The following ELOVL7 variants were observed in gnomAD, a reference collection of about 807,000 sequenced individuals.
ELOVL7 encodes ELOVL fatty acid elongase 7.
ELOVL7 carries 27 observed loss-of-function variants against 35.7 expected under a neutral mutation model. That is an observed-to-expected ratio of 0.76 (90% CI 0.56 to 1.04). The LOEUF (loss-of-function observed/expected upper bound fraction) is 1.04. Among genes scored for constraint, ELOVL7 ranks in the 50% least tolerant of loss-of-function variants. ELOVL7 has a pLI of 0.00. For missense variants in ELOVL7, 327 were observed against 340.8 expected (o/e 0.96, Z 0.32); for synonymous variants, 113 against 114.6 (o/e 0.99, Z 0.09).
At chr5:60,826,038 A>G (rs1228156544) in intron 1 of ELOVL7, among the ~76,000 whole-genome samples, 1 of 152,256 alleles carries the variant, frequency 6.6e-6, no homozygotes, top group Non-Finnish European at 1.5e-5. Context: ...TCCTATAGAG[A>G]GCAAAAAGCA....
rs543928603 is a variant in ELOVL7, at chr5:60,803,467, C to T, written c.-85-4237G>A. Among the ~76,000 whole-genome samples the T allele has an allele frequency of 8.0e-4, 122 of 152,256 alleles. 2 individuals are homozygous for T. The South Asian group carries it at 0.024, about 30-fold the overall frequency. On this transcript the variant is annotated intron_variant, in intron 1 of 8. Transcript: ENST00000508821. ...CTCAGGATAAACTAATCTTGATTTT[C>T]GTTTAAACAAAGCATGATTAATAAG...
chr5:60,842,369 G>A (rs1747224832), intron 1 of ELOVL7, among the ~76,000 whole-genome samples: 2 of 151,982 alleles, frequency 1.3e-5, no homozygotes, highest in South Asian at 2.1e-4. Flanking sequence ...AAGTCCAAGC[G>A]GAATATTATA....
At chr5:60,818,658 A>G (rs1745680340) in intron 1 of ELOVL7, among the ~76,000 whole-genome samples, 1 of 152,080 alleles carries the variant, frequency 6.6e-6, no homozygotes. Flanking sequence ...ATAATTCGCT[A>G]CACAGAGAAG....
intron 5 of ELOVL7, 91 bp downstream of exon 5, chr5:60,767,732 G>C: frequency 1.2e-6 from 1 of 869,090 alleles, no homozygotes; most frequent in Admixed American, 1.8e-5. Context: ...TGAGTCATCT[G>C]CTTATTCTAA....
intron 3 of ELOVL7, chr5:60,783,968 G>A (rs1299864120): frequency 1.7e-6 from 1 of 581,266 alleles, no homozygotes; most frequent in Non-Finnish European, 3.2e-6. Flanking sequence ...GCAGAGGATG[G>A]GAAGGCAGGC....
At chr5:60,766,504 G>T in intron 6 of ELOVL7, 70 bp downstream of exon 6, 1 of 1,366,708 alleles carries the variant, frequency 7.3e-7, no homozygotes, top group Non-Finnish European at 1.0e-6. Context: ...TGGTTTCACT[G>T]AAAGATCAAA....
At chr5:60,772,920 A>G (rs1359772391) in intron 3 of ELOVL7, among the ~76,000 whole-genome samples, 1 of 152,198 alleles carries the variant, frequency 6.6e-6, no homozygotes, top group African/African-American at 2.4e-5. Flanking sequence ...ACACTTCCAC[A>G]TATACTGTAT....
rs1443688681 is a variant in ELOVL7 at position 60,803,693 on chromosome 5, G to A, written c.-85-4463C>T. ...TATATCACTTCCATGAACTCATGTT[G>A]TTCTGATGGGTATACAACATATTTA... On this transcript the variant is annotated intron_variant, in intron 1 of 8. Transcript: ENST00000508821. Among the ~76,000 whole-genome samples the A allele has an allele frequency of 2.6e-5, 4 of 152,144 alleles. No homozygotes were observed. The East Asian group carries it at 5.8e-4, about 22-fold the overall frequency.
chr5:60,816,087 G>T (rs1236769580), intron 1 of ELOVL7, among the ~76,000 whole-genome samples: 1 of 152,158 alleles, frequency 6.6e-6, no homozygotes, highest in Non-Finnish European at 1.5e-5. Flanking sequence ...ATTTAGAAGA[G>T]TTTTGGGAAG....
intron 1 of ELOVL7, among the ~76,000 whole-genome samples, chr5:60,822,164 G>A (rs1273025929): frequency 2.6e-4 from 39 of 152,214 alleles, no homozygotes; most frequent in Admixed American, 2.6e-3. Context: ...GCTATTTCTT[G>A]GTGAACAGTA....
intron 3 of ELOVL7, among the ~76,000 whole-genome samples, chr5:60,773,844 A>G (rs1032808224): frequency 6.6e-6 from 1 of 152,272 alleles, no homozygotes; most frequent in Non-Finnish European, 1.5e-5. Flanking sequence ...TTAAACAAAC[A>G]GGTTGCATTA....
intron 1 of ELOVL7, among the ~76,000 whole-genome samples, chr5:60,826,380 T>C (rs1218487347): frequency 1.3e-5 from 2 of 152,160 alleles, no homozygotes; most frequent in Non-Finnish European, 2.9e-5. Flanking sequence ...TGATTTTTTT[T>C]TTACTGTAAA....
intron 1 of ELOVL7, among the ~76,000 whole-genome samples, chr5:60,801,662 C>T (rs1010079839): frequency 2.0e-5 from 3 of 151,746 alleles, no homozygotes; most frequent in African/African-American, 4.8e-5. Context: ...ATGATCGTGT[C>T]ACTGCACTCC....
intron 1 of ELOVL7, among the ~76,000 whole-genome samples, chr5:60,834,176 C>G (rs1406939573): frequency 1.3e-5 from 2 of 151,970 alleles, no homozygotes; most frequent in Non-Finnish European, 1.5e-5. Context: ...GAGTCTCGCT[C>G]TGTCGCCCAG....
At chr5:60,760,690 T>C (rs1289989248) in intron 7 of ELOVL7, among the ~76,000 whole-genome samples, 1 of 152,184 alleles carries the variant, frequency 6.6e-6, no homozygotes, top group Non-Finnish European at 1.5e-5. Context: ...TTGCTTTTGG[T>C]GTTGTAGACA....
chr5:60,820,379 C>T (rs1383993236), intron 1 of ELOVL7, among the ~76,000 whole-genome samples: 1 of 152,164 alleles, frequency 6.6e-6, no homozygotes, highest in Admixed American at 6.5e-5. Context: ...TGTGTTATTT[C>T]AATGAACTTA....
intron 1 of ELOVL7, among the ~76,000 whole-genome samples, chr5:60,825,711 G>A (rs1746130335): frequency 6.6e-6 from 1 of 152,164 alleles, no homozygotes; most frequent in African/African-American, 2.4e-5. Context: ...TGATGAGACT[G>A]GGGATACAAG....
intron 3 of ELOVL7, among the ~76,000 whole-genome samples, chr5:60,780,728 T>C (rs1414097630): frequency 6.6e-6 from 1 of 152,126 alleles, no homozygotes; most frequent in Admixed American, 6.5e-5. Context: ...AAATGCCAGA[T>C]GCTTAAAAAA....
At chr5:60,760,670 T>C (rs1404444076) in intron 7 of ELOVL7, among the ~76,000 whole-genome samples, 2 of 152,216 alleles carry the variant, frequency 1.3e-5, no homozygotes, top group Non-Finnish European at 2.9e-5. Context: ...AATTTTGGCT[T>C]TTGTTGCCAT....
Sources: allele counts gnomAD v4.1 joint callset (sites outside exome capture counted in the v4.1 genomes callset), GRCh38; gene constraint gnomAD v4.1.1; transcripts MANE v1.5; gene names NCBI Gene and HGNC (gene_info 2026-07-23, HGNC 2026-07-21).